The following WDR7 variants were observed in gnomAD, a reference collection of about 807,000 sequenced individuals.
The protein encoded by WDR7 is WD repeat domain 7.
A neutral mutation model predicts 169.4 loss-of-function variants in WDR7; 46 were observed. The observed-to-expected ratio is 0.27, with a 90% CI of 0.21 to 0.35. The LOEUF (loss-of-function observed/expected upper bound fraction) is 0.35, where lower values mean the gene tolerates loss of function less well. Ranked by LOEUF, WDR7 falls within the 10% of genes least tolerant of loss-of-function variation. The probability of loss-of-function intolerance (pLI) is 1.00; values close to 1 mark genes in which losing one functional copy is unlikely to be tolerated. For missense variants in WDR7, 1,534 were observed against 1,859.3 expected (o/e 0.83, Z 3.22); for synonymous variants, 612 against 666.8 (o/e 0.92, Z 1.27).
chr18:56,757,920 G>C (rs906871372), intron 15 of WDR7, among the ~76,000 whole-genome samples: 5 of 151,610 alleles, frequency 3.3e-5, no homozygotes, highest in African/African-American at 4.9e-5. Flanking sequence ...AGTGAGCCAC[G>C]ATTGTGCCAC....
intron 21 of WDR7, among the ~76,000 whole-genome samples, chr18:56,903,592 G>A (rs1367766932): frequency 1.3e-5 from 2 of 151,796 alleles, no homozygotes; most frequent in South Asian, 2.1e-4. Context: ...GCTAATTTTT[G>A]TATTTTTAGT....
intron 12 of WDR7, among the ~76,000 whole-genome samples, chr18:56,703,253 A>T (rs1280447257): frequency 6.6e-6 from 1 of 152,202 alleles, no homozygotes; most frequent in Admixed American, 6.5e-5. Context: ...GACTGTGTGT[A>T]TACCAGTGTG....
rs1598938946 is a variant in WDR7 at position 56,658,615 on chromosome 18, A to G, written c.-20+7039A>G. Among the ~76,000 whole-genome samples the G allele has an allele frequency of 2.0e-5, 3 of 152,246 alleles. No individual in the cohort carries two copies. The South Asian group carries it at 6.2e-4, about 32-fold the overall frequency. ...ATTTCACATTTAAGCTATCTTCCTTAAAGGCTCTTCTTTTTTCTAAATGTT... is the reference window on the plus strand; with the variant it reads ...ATTTCACATTTAAGCTATCTTCCTTGAAGGCTCTTCTTTTTTCTAAATGTT... On this transcript the variant is annotated intron_variant, in intron 1 of 27. Coordinates refer to ENST00000254442, the MANE Select transcript of WDR7 (RefSeq NM_015285.3).
chr18:56,871,638 C>T (rs1159360703), intron 20 of WDR7, among the ~76,000 whole-genome samples: 3 of 151,838 alleles, frequency 2.0e-5, no homozygotes, highest in African/African-American at 7.3e-5. Context: ...CATTTCTGAC[C>T]TTTCAAAAGG....
chr18:56,995,733 C>G (rs1240577390), intron 26 of WDR7, among the ~76,000 whole-genome samples: 1 of 152,180 alleles, frequency 6.6e-6, no homozygotes, highest in African/African-American at 2.4e-5. Flanking sequence ...GGGATCCTCC[C>G]TGTTTCTGAT....
intron 14 of WDR7, among the ~76,000 whole-genome samples, chr18:56,740,779 C>T (rs1174779047): frequency 6.6e-6 from 1 of 152,120 alleles, no homozygotes; most frequent in African/African-American, 2.4e-5. Flanking sequence ...CTCCATTTTG[C>T]TTTCTAGAGA....
chr18:56,963,154 C>T (rs182712728), intron 26 of WDR7, among the ~76,000 whole-genome samples: 8 of 152,222 alleles, frequency 5.3e-5, no homozygotes, highest in African/African-American at 1.7e-4. Flanking sequence ...GCAAATCTAA[C>T]CCCACTTTAG....
chr18:56,898,662 C>A (rs180702468), intron 21 of WDR7, among the ~76,000 whole-genome samples: 1 of 151,946 alleles, frequency 6.6e-6, no homozygotes, highest in Admixed American at 6.6e-5. Context: ...CAAAATGAAC[C>A]ATTATTCACC....
intron 26 of WDR7, among the ~76,000 whole-genome samples, chr18:57,010,929 G>T (rs1260990722): frequency 6.6e-6 from 1 of 152,138 alleles, no homozygotes; most frequent in Non-Finnish European, 1.5e-5. Flanking sequence ...TTTGCTGTAT[G>T]ATGATTACAG....
chr18:56,914,476 C>G lies in WDR7; in HGVS notation c.3527-9446C>G, dbSNP rs74658401. Among the ~76,000 whole-genome samples, 1,452 of 152,286 alleles carry G rather than the reference C, an allele frequency of 9.5e-3. 27 individuals are homozygous for G. Among genetic ancestry groups the G allele is most frequent in the African/African-American group, 0.034 (1,393 of 41,534 alleles). On this transcript the variant is annotated intron_variant, in intron 21 of 27. Coordinates refer to ENST00000254442, the MANE Select transcript of WDR7 (RefSeq NM_015285.3). The stretch of plus-strand genomic sequence containing the variant: ...GTAAATACGAAATGAATAATAGGAT[C>G]ATTCAGCTAATAGGTGCTCGAGCTA...
intron 20 of WDR7, among the ~76,000 whole-genome samples, chr18:56,873,180 T>A (rs1281332620): frequency 6.6e-6 from 1 of 152,206 alleles, no homozygotes; most frequent in Admixed American, 6.5e-5. Flanking sequence ...TGAATACTGA[T>A]AAAAATTACA....
chr18:56,777,157 G>T (rs945211541), intron 17 of WDR7, among the ~76,000 whole-genome samples: 8 of 152,162 alleles, frequency 5.3e-5, no homozygotes, highest in African/African-American at 1.9e-4. Context: ...AGGTGGATTG[G>T]TTTTTGTAAT....
intron 7 of WDR7, among the ~76,000 whole-genome samples, chr18:56,688,164 T>C (rs539808832): frequency 2.0e-5 from 3 of 152,258 alleles, no homozygotes; most frequent in Admixed American, 6.5e-5. Context: ...AACATGGGTA[T>C]CTGACTGCAG....
rs144085946 is a variant in WDR7, at chr18:56,884,317, G to A, written c.3526+4152G>A. On this transcript the variant is annotated intron_variant, in intron 21 of 27. Coordinates refer to ENST00000254442, the MANE Select transcript of WDR7 (RefSeq NM_015285.3). ...ATTTGTATATCTCCTTTTGAAAATT[G>A]TCTATTCATGTCCTTAGCCAGTCTT... Among the ~76,000 whole-genome samples the A allele has an allele frequency of 9.2e-3, 1,400 of 152,136 alleles. 23 individuals are homozygous for A. The highest frequency in any genetic ancestry group is 0.032 in the African/African-American group (1,317 of 41,490).
chr18:56,780,974 TAA>T (rs1431091654), intron 18 of WDR7, among the ~76,000 whole-genome samples: 1 of 152,218 alleles, frequency 6.6e-6, no homozygotes. Flanking sequence ...AAAACTAAAA[TAA>T]GTTATGCCTT....
chr18:56,695,136 T>C lies in WDR7; in HGVS notation c.1295T>C (p.Ile432Thr). ...VCGREDGSIV[I>T]VPATQTAIVQ... ...GGTCGTGAAGATGGAAGCATAGTTATTGTACCTGCCACACAGACGGCCATA... is the reference window on the plus strand; with the variant it reads ...GGTCGTGAAGATGGAAGCATAGTTACTGTACCTGCCACACAGACGGCCATA... The change falls in exon 11 of 28, where the codon ATT (isoleucine) becomes ACT (threonine). Residue 432 changes from isoleucine to threonine, a missense_variant. Coordinates refer to ENST00000254442, the MANE Select transcript of WDR7 (RefSeq NM_015285.3). 6.2e-7 allele frequency: 1 copy of C among 1,614,168 alleles called. No homozygotes were observed. Among genetic ancestry groups the C allele is most frequent in the East Asian group, 2.2e-5 (1 of 44,882 alleles).
intron 3 of WDR7, 102 bp from the exon 4 acceptor site, chr18:56,681,211 A>G (rs2025344932): frequency 2.3e-6 from 2 of 862,826 alleles, no homozygotes. Context: ...TTTTTCTGAA[A>G]TATATTAGTT....
chr18:56,653,854 A>C (rs1034690290), intron 1 of WDR7, among the ~76,000 whole-genome samples: 2 of 152,020 alleles, frequency 1.3e-5, no homozygotes, highest in Admixed American at 6.5e-5. Context: ...TACATTTTAG[A>C]CCTCTGTGAT....
intron 16 of WDR7, among the ~76,000 whole-genome samples, chr18:56,768,284 T>C (rs1031088637): frequency 6.6e-6 from 1 of 152,106 alleles, no homozygotes; most frequent in African/African-American, 2.4e-5. Flanking sequence ...TTTAAGGCAA[T>C]AGATTTAGGA....
Sources: allele counts gnomAD v4.1 joint callset (sites outside exome capture counted in the v4.1 genomes callset), GRCh38; gene constraint gnomAD v4.1.1; transcripts MANE v1.5; gene names NCBI Gene and HGNC (gene_info 2026-07-23, HGNC 2026-07-21).